The following ETNPPL variants were observed in gnomAD, a reference collection of about 807,000 sequenced individuals.
ETNPPL encodes alanine--glyoxylate aminotransferase 2-like 1.
ETNPPL carries 30 observed loss-of-function variants against 55.5 expected under a neutral mutation model. The ratio of observed to expected loss-of-function variants is 0.54; its 90% CI spans 0.40 to 0.73. The LOEUF is 0.73. ETNPPL is among the 30% of genes least tolerant of loss of function. The pLI is 0.00. For missense variants in ETNPPL, 528 were observed against 607.9 expected (o/e 0.87, Z 1.38); for synonymous variants, 202 against 207.2 (o/e 0.98, Z 0.21).
chr4:108,761,106 A>G (rs1038136845), intron 1 of ETNPPL, among the ~76,000 whole-genome samples: 16 of 152,224 alleles, frequency 1.1e-4, no homozygotes, highest in African/African-American at 3.9e-4. Context: ...AAGGTCATCC[A>G]TACTTTTATT....
chr4:108,752,045 C>T (rs1409762567), intron 6 of ETNPPL, among the ~76,000 whole-genome samples: 1 of 152,054 alleles, frequency 6.6e-6, no homozygotes, highest in Non-Finnish European at 1.5e-5. Context: ...TCCTACAACA[C>T]GTAGAGCTTT....
Position 108,746,800 on chromosome 4 carries a change from C to A in ETNPPL, c.1134G>T (p.Arg378Ser). The change falls in exon 10 of 13, where the codon AGG becomes AGT. Residue 378 changes from arginine (R) to serine (S), a missense_variant. Physicochemically the swap from Arg to Ser is moderately radical, Grantham distance 110. Transcript: ENST00000296486. ...GCTGAGCTTCAGCTGTGGCAGGGGT[C>A]CTTTTCAGATGGTCCTTCACTAAAT... ...GIDLVKDHLK[R>S]TPATAEAQHI... 6.2e-7 allele frequency: 1 copy of A among 1,613,828 alleles called. No individual in the cohort carries two copies. The highest frequency in any genetic ancestry group is 1.1e-5 in the South Asian group (1 of 91,052).
chr4:108,752,590 C>G (rs1425285141), intron 6 of ETNPPL, among the ~76,000 whole-genome samples: 1 of 152,138 alleles, frequency 6.6e-6, no homozygotes, highest in Non-Finnish European at 1.5e-5. Context: ...TCTTCTCTTC[C>G]CTTCACCATA....
intron 8 of ETNPPL, 119 bp downstream of exon 8, chr4:108,749,119 C>T (rs1728765041): frequency 1.6e-6 from 1 of 643,254 alleles, no homozygotes; most frequent in East Asian, 2.8e-5. Context: ...AAAACTTTGG[C>T]CAGAGTTCTG....
chr4:108,746,362 G>C, intron 11 of ETNPPL, 37 bp downstream of exon 11: 1 of 1,585,950 alleles, frequency 6.3e-7, no homozygotes, highest in South Asian at 1.2e-5. Context: ...GTTTGGGAGA[G>C]GGAACAAGAA....
chr4:108,747,199 TATATATATAATATATATATATATATTA>T lies in ETNPPL; in HGVS notation c.1083-375_1083-349del, dbSNP rs1728623649. ...ATATATAATATATATATATATTATA[TATATATATAATATATATATATATATTA>T]TATATATATATATAATATATATATA... On this transcript the variant is annotated intron_variant, in intron 9 of 12. Coordinates refer to ENST00000296486, the MANE Select transcript of ETNPPL (RefSeq NM_031279.4). Among the ~76,000 whole-genome samples the T allele has an allele frequency of 5.4e-4, 5 of 9,324 alleles. 1 individual carries two copies. The highest frequency in any genetic ancestry group is 7.6e-4 in the Non-Finnish European group (5 of 6,562). The allele number at this position is 9,324 out of a possible 152,430, so 6.1% of individuals were successfully genotyped here.
rs755758412 is a variant in ETNPPL at position 108,760,306 on chromosome 4, C to T, written c.57G>A (p.Gly19=). The T allele has an allele frequency of 6.4e-7, 1 of 1,563,472 alleles. No homozygotes were observed. Among genetic ancestry groups the T allele is most frequent in the Non-Finnish European group, 8.8e-7 (1 of 1,135,846 alleles). Reference sequence around the variant, plus strand: ...ATGCAAAGAAAACTTTGCATGAGGGCCTAGAAATAATCAAAGGAAACACTT... The same window carrying T: ...ATGCAAAGAAAACTTTGCATGAGGGTCTAGAAATAATCAAAGGAAACACTT... ...DTLGLRKKHI[G]PSCKVFFASD... is the part of the protein sequence containing the mutation. The change falls in exon 2 of 13, where the codon GGG becomes GGA. Residue 19 remains glycine, a splice_region_variant and synonymous_variant. Transcript: ENST00000296486.
chr4:108,748,733 A>G (rs556594686), intron 8 of ETNPPL, among the ~76,000 whole-genome samples: 3 of 152,324 alleles, frequency 2.0e-5, no homozygotes, highest in Non-Finnish European at 4.4e-5. Flanking sequence ...TCATAAAAAT[A>G]CTTTAAAAGT....
intron 5 of ETNPPL, among the ~76,000 whole-genome samples, chr4:108,753,806 A>AAGAAAGAAAGAAAGAAAGAAAG (rs1560656714): frequency 1.7e-5 from 2 of 119,424 alleles, no homozygotes; most frequent in Admixed American, 1.6e-4. Flanking sequence ...GAAAGAAAGA[A>AAGAAAGAAAGAAAGAAAGAAAG]AAGAGAAGAA....
At chr4:108,751,074 A>C in intron 6 of ETNPPL, 56 bp from the exon 7 acceptor site, 1 of 1,207,598 alleles carries the variant, frequency 8.3e-7, no homozygotes, top group Non-Finnish European at 1.2e-6. Flanking sequence ...ACCCCCCTAA[A>C]AAGAGTATAT....
At chr4:108,752,863 G>T (rs1223878333) in intron 6 of ETNPPL, 32 bp downstream of exon 6, 3 of 1,192,478 alleles carry the variant, frequency 2.5e-6, no homozygotes, top group African/African-American at 3.1e-5. Context: ...TATAAAAGAT[G>T]TTGAGATGTT....
At chr4:108,743,900 A>G (rs768599769) in intron 11 of ETNPPL, 44 bp from the exon 12 acceptor site, 2 of 1,380,510 alleles carry the variant, frequency 1.4e-6, no homozygotes, top group Admixed American at 2.0e-5. Flanking sequence ...ATAACATAAA[A>G]ACCTTAAGAA....
At position 108,742,220 on chromosome 4, in the gene ETNPPL, G is replaced by A. The variant is rs1211597176; in HGVS notation, c.*264C>T. On this transcript the variant is annotated 3_prime_UTR_variant, in exon 13 of 13. Transcript: ENST00000296486. The stretch of plus-strand genomic sequence containing the variant: ...AGGTAAATCTGCCAATTTATTTTGA[G>A]TTTGCAAGCTTACAATTTAATAGAA... 1.8e-5 allele frequency: 5 copies of A among 274,480 alleles called. No homozygotes were observed. The highest frequency in any genetic ancestry group is 6.5e-5 in the East Asian group (1 of 15,500). The allele number at this position is 274,480 out of a possible 1,614,324, so 17.0% of individuals were successfully genotyped here.
chr4:108,761,062 C>T lies in ETNPPL; in HGVS notation c.57-756G>A, dbSNP rs527626987. On this transcript the variant is annotated intron_variant, in intron 1 of 12. Coordinates refer to ENST00000296486, the MANE Select transcript of ETNPPL (RefSeq NM_031279.4). ...TATTAAATAGTGAAATTCAATTATT[C>T]TTCTAAGCATTTAATATGTTTTTTG... is the stretch of plus-strand genomic sequence containing the variant. Among the ~76,000 whole-genome samples, 11 of 152,222 alleles carry T rather than the reference C, an allele frequency of 7.2e-5. No individual in the cohort carries two copies. The South Asian group carries it at 2.3e-3, about 32-fold the overall frequency.
intron 11 of ETNPPL, among the ~76,000 whole-genome samples, chr4:108,745,237 C>CA (rs1728414072): frequency 6.6e-6 from 1 of 151,604 alleles, no homozygotes; most frequent in South Asian, 2.1e-4. Context: ...CAAAAGTCCT[C>CA]AAAAGTTAAA....
rs1467046639 is a variant in ETNPPL, at chr4:108,742,270, A to G, written c.*214T>C. 5.1e-6 allele frequency: 2 copies of G among 392,566 alleles called. No individual in the cohort carries two copies. Among genetic ancestry groups the G allele is most frequent in the South Asian group, 5.7e-5 (1 of 17,650 alleles). The allele number at this position is 392,566 out of a possible 1,614,324, so 24.3% of individuals were successfully genotyped here. ...ATAAATCAGGTAGCTTCAGAAATCA[A>G]CTAAGAAAATTAACAGGCTAGAGTC... On this transcript the variant is annotated 3_prime_UTR_variant, in exon 13 of 13. Transcript: ENST00000296486.
At position 108,742,411 on chromosome 4, in the gene ETNPPL, A is replaced by C; in HGVS notation, c.*73T>G. On this transcript the variant is annotated 3_prime_UTR_variant, in exon 13 of 13. Coordinates refer to ENST00000296486, the MANE Select transcript of ETNPPL (RefSeq NM_031279.4). ...CCACCTTTAGAGGTATAATAGAGCTATTAACCGATGAGACACATCTACTCA... is the reference window on the plus strand; with the variant it reads ...CCACCTTTAGAGGTATAATAGAGCTCTTAACCGATGAGACACATCTACTCA... 6.7e-7 allele frequency: 1 copy of C among 1,497,396 alleles called. No individual in the cohort carries two copies. The highest frequency in any genetic ancestry group is 9.2e-7 in the Non-Finnish European group (1 of 1,081,380). 92.8% of individuals were successfully genotyped at this position (1,497,396 alleles called of 1,614,324 possible).
intron 7 of ETNPPL, 115 bp downstream of exon 7, chr4:108,750,821 G>A: frequency 1.3e-6 from 1 of 768,374 alleles, no homozygotes; most frequent in Non-Finnish European, 2.3e-6. Flanking sequence ...GCACTCAGGT[G>A]TGGCTATTTA....
intron 9 of ETNPPL, among the ~76,000 whole-genome samples, chr4:108,747,421 C>A (rs1298947437): frequency 2.0e-5 from 3 of 149,376 alleles, no homozygotes; most frequent in Non-Finnish European, 4.4e-5. Flanking sequence ...AGTATAAAAG[C>A]CAGGAAAGAC....
Sources: gnomAD v4.1 joint callset for allele counts (sites outside exome capture counted in the v4.1 genomes callset) on GRCh38, gnomAD v4.1.1 for gene constraint, MANE v1.5 for transcripts, NCBI Gene and HGNC (gene_info 2026-07-23, HGNC 2026-07-21) for gene names.